IGF1: variants seen among roughly 807,000 people sequenced by gnomAD.
The protein encoded by IGF1 is insulin like growth factor 1.
Under a neutral mutation model 13.8 loss-of-function variants are expected in IGF1, and 4 were observed. That is an observed-to-expected ratio of 0.29 (90% CI 0.14 to 0.66). The LOEUF is 0.66. IGF1 is among the 30% of genes least tolerant of loss of function. IGF1 has a pLI of 0.78. For missense variants in IGF1, 124 were observed against 188.5 expected (o/e 0.66, Z 2.00); for synonymous variants, 76 against 72.6 (o/e 1.05, Z -0.23).
chr12:102,438,211 G>A (rs1488035916), intron 2 of IGF1, among the ~76,000 whole-genome samples: 2 of 152,186 alleles, frequency 1.3e-5, no homozygotes, highest in African/African-American at 4.8e-5. Context: ...AAGTCAGGAA[G>A]GACTCCCTGC....
chr12:102,449,758 GA>G (rs1263146186), intron 2 of IGF1, among the ~76,000 whole-genome samples: 1 of 150,176 alleles, frequency 6.7e-6, no homozygotes, highest in African/African-American at 2.4e-5. Flanking sequence ...GGGATTTTAT[GA>G]ATTCAAGGTC....
chr12:102,472,644 G>A (rs1484176483), intron 2 of IGF1, among the ~76,000 whole-genome samples: 2 of 152,190 alleles, frequency 1.3e-5, no homozygotes, highest in Non-Finnish European at 2.9e-5. Flanking sequence ...AACTGACAGT[G>A]TATAGAGGTG....
At chr12:102,481,189 T>G (rs1881369550), upstream of IGF1, among the ~76,000 whole-genome samples, 1 of 152,190 alleles carries the variant, frequency 6.6e-6, no homozygotes, top group Admixed American at 6.5e-5. Flanking sequence ...AGGCAAAGAC[T>G]ATGCCGAGCT....
chr12:102,410,605 T>C (rs1874554537), intron 3 of IGF1, among the ~76,000 whole-genome samples: 1 of 152,238 alleles, frequency 6.6e-6, no homozygotes, highest in African/African-American at 2.4e-5. Context: ...TTACTTAAAC[T>C]GGTGTATGCA....
At chr12:102,463,466 C>G (rs1243708491) in intron 2 of IGF1, 1 of 152,222 alleles carries the variant, frequency 6.6e-6, no homozygotes. Flanking sequence ...GCTGGCTTGA[C>G]TTCAAATTAA....
Position 102,422,327 on chromosome 12 carries a change from T to C in IGF1, c.221-2637A>G, listed in dbSNP as rs1019161278. Among the ~76,000 whole-genome samples, 15 of 152,336 alleles carry C rather than the reference T, an allele frequency of 9.8e-5. No homozygotes were observed. The South Asian group carries it at 1.4e-3, about 15-fold the overall frequency. On this transcript the variant is annotated intron_variant, in intron 2 of 3. Transcript: ENST00000337514. ...TCTAGCTACCACAATCCTAGAGAGA[T>C]GTTTTTCTTTGTCTACTCATAATGT...
intron 2 of IGF1, among the ~76,000 whole-genome samples, chr12:102,474,664 T>A (rs964576778): frequency 6.6e-6 from 1 of 152,194 alleles, no homozygotes; most frequent in Non-Finnish European, 1.5e-5. Flanking sequence ...ACTGGAGTGA[T>A]ATGAACCTTT....
intron 2 of IGF1, among the ~76,000 whole-genome samples, chr12:102,434,959 G>T (rs972838131): frequency 2.0e-5 from 3 of 152,028 alleles, no homozygotes; most frequent in Admixed American, 6.5e-5. Context: ...GTATTTGCAG[G>T]TTTCATGTCC....
At chr12:102,479,465 C>T (rs1167824776) in intron 1 of IGF1, among the ~76,000 whole-genome samples, 8 of 152,114 alleles carry the variant, frequency 5.3e-5, no homozygotes, top group African/African-American at 1.2e-4. Context: ...ACTAGAACTA[C>T]GGCCAGCAAT....
chr12:102,437,278 C>T (rs1420605840), intron 2 of IGF1, among the ~76,000 whole-genome samples: 2 of 152,222 alleles, frequency 1.3e-5, no homozygotes, highest in Non-Finnish European at 2.9e-5. Flanking sequence ...GAACCTGGCA[C>T]AGGTGCAGAA....
Position 102,419,504 on chromosome 12 carries a change from C to T in IGF1, c.402+5G>A, listed in dbSNP as rs1309484373. On this transcript the variant is annotated splice_donor_5th_base_variant and intron_variant, in intron 3 of 3. Transcript: ENST00000337514. The stretch of plus-strand genomic sequence containing the variant: ...GATGGCTGGATCCCACCCAGGTGGG[C>T]TTACCTTCTGGGTCTTGGGCATGTC... 7 of 1,611,944 alleles carry T rather than the reference C, an allele frequency of 4.3e-6. No individual in the cohort carries two copies. Among genetic ancestry groups the T allele is most frequent in the Non-Finnish European group, 5.9e-6 (7 of 1,179,250 alleles).
At chr12:102,443,273 A>C (rs1878023040) in intron 2 of IGF1, among the ~76,000 whole-genome samples, 1 of 152,134 alleles carries the variant, frequency 6.6e-6, no homozygotes, top group African/African-American at 2.4e-5. Flanking sequence ...ATATAAGTGA[A>C]AGTGTCACAT....
intron 2 of IGF1, among the ~76,000 whole-genome samples, chr12:102,458,736 A>AAAAAAAAAAAAC (rs1296699831): frequency 1.4e-5 from 2 of 145,100 alleles, no homozygotes; most frequent in African/African-American, 5.6e-5. Flanking sequence ...TGACCAAAAA[A>AAAAAAAAAAAAC]AAAAAAAAAA....
chr12:102,415,256 TCATC>T (rs66536957), intron 3 of IGF1, among the ~76,000 whole-genome samples: 58,108 of 148,254 alleles, frequency 0.39, 11,682 homozygotes, highest in East Asian at 0.46. Flanking sequence ...AACCATCCAT[TCATC>T]CATCCATCCA....
intron 2 of IGF1, among the ~76,000 whole-genome samples, chr12:102,474,139 A>G (rs1212947598): frequency 1.3e-5 from 2 of 152,216 alleles, no homozygotes; most frequent in African/African-American, 4.8e-5. Context: ...TTATAGAATA[A>G]TTATGACCCA....
chr12:102,452,128 A>G (rs1029958856), intron 2 of IGF1, among the ~76,000 whole-genome samples: 3 of 151,626 alleles, frequency 2.0e-5, no homozygotes, highest in Non-Finnish European at 2.9e-5. Context: ...CGGGCGTGGT[A>G]GCGGGCGCCT....
At chr12:102,448,197 C>G (rs1165910782) in intron 2 of IGF1, among the ~76,000 whole-genome samples, 3 of 148,346 alleles carry the variant, frequency 2.0e-5, no homozygotes, top group Non-Finnish European at 4.5e-5. Context: ...GGGTATATAC[C>G]CAAAGGACTA....
At chr12:102,420,347 C>T (rs981010428) in intron 2 of IGF1, among the ~76,000 whole-genome samples, 1 of 152,210 alleles carries the variant, frequency 6.6e-6, no homozygotes, top group African/African-American at 2.4e-5. Flanking sequence ...GGAAAAGTCA[C>T]TAAGCTCTCT....
At chr12:102,468,456 G>A (rs1190258634) in intron 2 of IGF1, among the ~76,000 whole-genome samples, 2 of 152,230 alleles carry the variant, frequency 1.3e-5, no homozygotes, top group Non-Finnish European at 2.9e-5. Context: ...TGAAAAGCTA[G>A]AGCTTGCCAA....
Sources: allele counts gnomAD v4.1 joint callset (sites outside exome capture counted in the v4.1 genomes callset), GRCh38; gene constraint gnomAD v4.1.1; transcripts MANE v1.5; gene names NCBI Gene and HGNC (gene_info 2026-07-23, HGNC 2026-07-21).